Variants in CACNA2D2 observed in about 807,000 individuals in gnomAD.
CACNA2D2 encodes voltage-dependent calcium channel subunit alpha-2/delta-2.
Under a neutral mutation model 166.4 loss-of-function variants are expected in CACNA2D2, and 48 were observed. The ratio of observed to expected loss-of-function variants is 0.29; its 90% CI spans 0.23 to 0.37. The LOEUF is 0.37. Ranked by LOEUF, CACNA2D2 falls within the 10% of genes least tolerant of loss-of-function variation. The pLI, the probability that CACNA2D2 is intolerant of heterozygous loss-of-function variation, is 1.00. For synonymous variants in CACNA2D2, 561 were observed against 573.7 expected (o/e 0.98, Z 0.32); for missense variants, 1,122 against 1,433.0 (o/e 0.78, Z 3.50).
In CACNA2D2 at chr3:50,365,446, T is replaced by G; in HGVS notation, c.3008A>C (p.Glu1003Ala). 2 of 1,613,520 alleles carry G rather than the reference T, an allele frequency of 1.2e-6. No homozygotes were observed. The highest frequency in any genetic ancestry group is 1.7e-6 in the Non-Finnish European group (2 of 1,179,858). ...AEAEGSPETR[E>A]SSCVMKQTQY... ...GGTCTGTTTCATGACGCAGCTGCTC[T>G]CGCGCGTCTCGGGGCTCCCCTCGGC... The change falls in exon 35 of 38, where the codon GAG becomes GCG. Residue 1003 changes from glutamate (E) to alanine (A), a missense_variant. Around this residue, in one of 2 missense-constraint regions of CACNA2D2, gnomAD observed 282 missense variants for 266.2 expected, o/e 1.06. Transcript: ENST00000424201. The surrounding 1 kb of genome is among the most constrained non-coding windows in gnomAD (Gnocchi z 4.5).
chr3:50,389,870 A>T (rs1020199148), intron 4 of CACNA2D2, among the ~76,000 whole-genome samples: 6 of 152,200 alleles, frequency 3.9e-5, no homozygotes, highest in African/African-American at 1.2e-4. Context: ...TAGGAGGGCG[A>T]GACCATGCCC....
intron 2 of CACNA2D2, among the ~76,000 whole-genome samples, chr3:50,456,574 G>A (rs1283077570): frequency 6.6e-6 from 1 of 152,158 alleles, no homozygotes. Context: ...CAGTCAGAAC[G>A]ACCGTTGTCT....
In CACNA2D2 at chr3:50,366,264, C is replaced by T; in HGVS notation, c.2709+3G>A. ...CTTCTTTCACTCTCTTCCTGATCCT[C>T]ACCTGGTCCCACTGATGGTTCTGGT... On this transcript the variant is annotated splice_donor_region_variant and intron_variant, in intron 31 of 37. Coordinates refer to ENST00000424201, the MANE Select transcript of CACNA2D2 (RefSeq NM_006030.4). The surrounding 1 kb of genome is among the most constrained non-coding windows in gnomAD (Gnocchi z 5.9). The T allele has an allele frequency of 1.9e-6, 3 of 1,614,116 alleles. No individual in the cohort carries two copies. Among genetic ancestry groups the T allele is most frequent in the South Asian group, 2.2e-5 (2 of 91,084 alleles).
At chr3:50,468,690 C>T (rs1709938756) in intron 2 of CACNA2D2, among the ~76,000 whole-genome samples, 1 of 152,084 alleles carries the variant, frequency 6.6e-6, no homozygotes, top group Non-Finnish European at 1.5e-5. Flanking sequence ...CCCTCAAGAA[C>T]CCCCGATCCT....
rs142799077 is a variant in CACNA2D2, at chr3:50,453,147, C to T, written c.289-18718G>A. 9.9e-5 allele frequency among the ~76,000 whole-genome samples: 15 copies of T among 152,258 alleles called. No individual in the cohort carries two copies. The East Asian group carries it at 2.5e-3, about 25-fold the overall frequency. On this transcript the variant is annotated intron_variant, in intron 2 of 37. Coordinates refer to ENST00000424201, the MANE Select transcript of CACNA2D2 (RefSeq NM_006030.4). ...TAACACCAGCCTCTCCTCTCTTCCCCGCTGCCTGCCAGAGTCGTTCCCACT... is the reference window on the plus strand; with the variant it reads ...TAACACCAGCCTCTCCTCTCTTCCCTGCTGCCTGCCAGAGTCGTTCCCACT...
chr3:50,447,239 G>A (rs1708887980), intron 2 of CACNA2D2, among the ~76,000 whole-genome samples: 2 of 152,138 alleles, frequency 1.3e-5, no homozygotes, highest in Admixed American at 1.3e-4. Flanking sequence ...CTGTAAGGTC[G>A]TCTGGAGGCT....
intron 1 of CACNA2D2, among the ~76,000 whole-genome samples, chr3:50,499,022 T>C (rs9816631): frequency 0.017 from 2,619 of 152,338 alleles, 90 homozygotes; most frequent in African/African-American, 0.059. Context: ...GGGTCTGGCC[T>C]GGGCTCAGTA....
intron 2 of CACNA2D2, among the ~76,000 whole-genome samples, chr3:50,460,352 GAA>G (rs1709537124): frequency 6.6e-6 from 1 of 152,166 alleles, no homozygotes; most frequent in African/African-American, 2.4e-5. Flanking sequence ...TAACTTAAAG[GAA>G]ACTGGACAAA....
At position 50,367,120 on chromosome 3, in the gene CACNA2D2, G is replaced by A; in HGVS notation, c.2402-11C>T. ...GCGGCCTTAACAGGGCTGGGGGTTG[G>A]GTGGGGAAGTCAGGAGTGGGGTCTG... On this transcript the variant is annotated splice_polypyrimidine_tract_variant and intron_variant, in intron 27 of 37. Transcript: ENST00000424201. This position sits in a 1 kb window ranked among gnomAD's most constrained non-coding sequence, Gnocchi z 6.5. The A allele has an allele frequency of 6.2e-7, 1 of 1,607,828 alleles. No individual in the cohort carries two copies. The highest frequency in any genetic ancestry group is 8.5e-7 in the Non-Finnish European group (1 of 1,175,542).
intron 3 of CACNA2D2, among the ~76,000 whole-genome samples, chr3:50,404,639 G>A (rs1706608340): frequency 6.6e-6 from 1 of 152,180 alleles, no homozygotes; most frequent in South Asian, 2.1e-4. Flanking sequence ...CAGTTCCCAT[G>A]GGAAGAGGTT....
rs767405244 is a variant in CACNA2D2 at position 50,365,815 on chromosome 3, G to A, written c.2910C>T (p.Ala970=). ...FLNLAWWTSA[A]AWSLFQQLLY... ...ACCTCCCGCTCAGGACTCACCAGGC[G>A]GCAGCAGAGGTCCACCAGGCCAGGT... is the stretch of plus-strand genomic sequence containing the variant. Residue 970 remains alanine (A), a synonymous_variant, in exon 33 of 38, where the codon GCC becomes GCT. Coordinates refer to ENST00000424201, the MANE Select transcript of CACNA2D2 (RefSeq NM_006030.4). The surrounding 1 kb of genome is among the most constrained non-coding windows in gnomAD (Gnocchi z 4.5). 8 of 1,613,392 alleles carry A rather than the reference G, an allele frequency of 5.0e-6. No homozygotes were observed. The African/African-American group carries it at 5.3e-5, about 11-fold the overall frequency.
At position 50,387,599 on chromosome 3, in the gene CACNA2D2, A is replaced by C; in HGVS notation, c.479T>G (p.Val160Gly). The C allele has an allele frequency of 6.2e-7, 1 of 1,613,598 alleles. No individual in the cohort carries two copies. Among genetic ancestry groups the C allele is most frequent in the Non-Finnish European group, 8.5e-7 (1 of 1,179,674 alleles). Reference sequence around the variant, plus strand: ...AGCGTCAGCCTTGGCGTCATAGTACACGATGTCTTCCTCCTGGTGAGGGGA... The same window carrying C: ...AGCGTCAGCCTTGGCGTCATAGTACCCGATGTCTTCCTCCTGGTGAGGGGA... ...WQDNIKEEDI[V>G]YYDAKADAEL... is the part of the protein sequence containing the mutation. The change falls in exon 5 of 38, where the codon GTG becomes GGG. Residue 160 changes from valine (V) to glycine (G), a missense_variant. Physicochemically the swap from Val to Gly is moderately radical, Grantham distance 109 (BLOSUM62 -3). This residue lies in a region of CACNA2D2 where 840 missense variants were observed against 1,166.8 expected (regional missense o/e 0.72). Transcript: ENST00000424201.
rs922213410 is a variant in CACNA2D2, at chr3:50,376,678, C to A, written c.1627-490G>T. On this transcript the variant is annotated intron_variant, in intron 17 of 37. Transcript: ENST00000424201. The surrounding 1 kb of genome is among the most constrained non-coding windows in gnomAD (Gnocchi z 4.3). The stretch of plus-strand genomic sequence containing the variant: ...AGGAGTAAGTGGGACCTGGACCTAG[C>A]CCTTACCTCCCCCAGTCAGTTTCTT... Among the ~76,000 whole-genome samples the A allele has an allele frequency of 1.3e-4, 20 of 152,180 alleles. No homozygotes were observed. The highest frequency in any genetic ancestry group is 4.8e-4 in the African/African-American group (20 of 41,438).
At chr3:50,485,799 T>C (rs1272258280) in intron 1 of CACNA2D2, among the ~76,000 whole-genome samples, 5 of 152,144 alleles carry the variant, frequency 3.3e-5, no homozygotes, top group Non-Finnish European at 7.4e-5. Context: ...GTTTTCACTG[T>C]TTGATAATTT....
chr3:50,503,150 G>A (rs1379717289), intron 1 of CACNA2D2, 68 bp downstream of exon 1: 17 of 961,826 alleles, frequency 1.8e-5, no homozygotes, highest in Admixed American at 9.7e-5. Context: ...GGAAGGAGTA[G>A]CGCGGACCGG....
At chr3:50,398,260 G>T (rs1180406954) in intron 3 of CACNA2D2, among the ~76,000 whole-genome samples, 3 of 152,036 alleles carry the variant, frequency 2.0e-5, no homozygotes, top group Non-Finnish European at 4.4e-5. Flanking sequence ...TCTGGGCTCT[G>T]CTCCTGGAGG....
chr3:50,363,626 CAA>C lies in CACNA2D2; in HGVS notation c.*1038_*1039del, dbSNP rs1704050004. ...GGAAGGATGGCCCAGCCAGGAGAGA[CAA>C]AGTCACCCCTGCTAAGGCAAAGGGT... On this transcript the variant is annotated 3_prime_UTR_variant, in exon 38 of 38. Transcript: ENST00000424201. 1 of 217,242 alleles carries C rather than the reference CAA, an allele frequency of 4.6e-6. No homozygotes were observed. Among genetic ancestry groups the C allele is most frequent in the African/African-American group, 2.3e-5 (1 of 43,982 alleles). 13.5% of individuals were successfully genotyped at this position (217,242 alleles called of 1,614,324 possible).
rs1166644009 is a variant in CACNA2D2 at position 50,368,204 on chromosome 3, T to G, written c.2077A>C (p.Asn693His). ...EYCKDLNASDNNTEFLKNFIE... is the reference protein window; with the variant it reads ...EYCKDLNASDHNTEFLKNFIE... ...AAGTTTTTCAGGAACTCGGTGTTGTTGTCTGAGGCATTCAGGTCCTTGCAG... is the reference window on the plus strand; with the variant it reads ...AAGTTTTTCAGGAACTCGGTGTTGTGGTCTGAGGCATTCAGGTCCTTGCAG... The change falls in exon 24 of 38, where the codon AAC becomes CAC. Residue 693 changes from asparagine to histidine, a missense_variant. Physicochemically the swap from Asn to His is moderately conservative, Grantham distance 68. Transcript: ENST00000424201. The G allele has an allele frequency of 1.2e-6, 2 of 1,613,560 alleles. No individual in the cohort carries two copies. Among genetic ancestry groups the G allele is most frequent in the Non-Finnish European group, 1.7e-6 (2 of 1,179,726 alleles).
At position 50,447,711 on chromosome 3, in the gene CACNA2D2, G is replaced by GC. The variant is rs200690903; in HGVS notation, c.289-13283dup. On this transcript the variant is annotated intron_variant, in intron 2 of 37. Transcript: ENST00000424201. ...CTCCAGTGTCTTTGAGCATACATGA[G>GC]CCCCTCCAGGTTTCCTGCCTGCACC... Among the ~76,000 whole-genome samples, 108 of 152,214 alleles carry GC rather than the reference G, an allele frequency of 7.1e-4. 1 individual carries two copies. In the East Asian group the frequency reaches 0.019, roughly 27 times the overall value.
Sources: gnomAD v4.1 joint callset for allele counts (sites outside exome capture counted in the v4.1 genomes callset) on GRCh38, gnomAD v4.1.1 for gene constraint, gnomAD v4.1.1 regional missense constraint, Gnocchi (gnomAD v3.1) non-coding constraint, MANE v1.5 for transcripts, NCBI Gene and HGNC (gene_info 2026-07-23, HGNC 2026-07-21) for gene names.